The following TET2 variants were observed in gnomAD, a reference collection of about 807,000 sequenced individuals.
TET2 encodes the protein methylcytosine dioxygenase TET2.
A neutral mutation model predicts 142.9 loss-of-function variants in TET2; 299 were observed. That is an observed-to-expected ratio of 2.09 (90% CI 1.90 to 2.30). TET2 has a LOEUF of 2.30. Ranked by LOEUF, TET2 falls within the 30% of genes most tolerant of loss-of-function variation. The pLI, the probability that TET2 is intolerant of heterozygous loss-of-function variation, is 0.00. For missense variants in TET2, 2,418 were observed against 2,378.0 expected (o/e 1.02, Z -0.35); for synonymous variants, 819 against 849.0 (o/e 0.96, Z 0.61).
At chr4:105,193,190 C>T (rs950501638) in intron 2 of TET2, among the ~76,000 whole-genome samples, 2 of 151,880 alleles carry the variant, frequency 1.3e-5, no homozygotes, top group East Asian at 3.9e-4. Flanking sequence ...GAATTGGGAT[C>T]GATAACAAAG....
intron 2 of TET2, among the ~76,000 whole-genome samples, chr4:105,227,723 A>T (rs933435942): frequency 1.3e-5 from 2 of 152,194 alleles, no homozygotes; most frequent in African/African-American, 4.8e-5. Flanking sequence ...AGCAAAAATC[A>T]CACAAATAAT....
chr4:105,237,104 A>G lies in TET2; in HGVS notation c.3162A>G (p.Val1054=), dbSNP rs1553914508. The G allele has an allele frequency of 1.2e-5, 20 of 1,614,052 alleles. No individual in the cohort carries two copies. Among genetic ancestry groups the G allele is most frequent in the Admixed American group, 6.7e-5 (4 of 59,998 alleles). Residue 1054 remains valine, a synonymous_variant, in exon 3 of 11, where the codon GTA becomes GTG. Coordinates refer to ENST00000380013, the MANE Select transcript of TET2 (RefSeq NM_001127208.3). ...KALTLKSQKQ[V]KVEMSGPVTV... Reference sequence around the variant, plus strand: ...TTACTCTCAAATCACAGAAGCAAGTAAAAGTTGAAATGTCAGGGCCAGTCA... The same window carrying G: ...TTACTCTCAAATCACAGAAGCAAGTGAAAGTTGAAATGTCAGGGCCAGTCA...
At position 105,245,302 on chromosome 4, in the gene TET2, T is replaced by C. The variant is rs574025699; in HGVS notation, c.3803+1524T>C. Among the ~76,000 whole-genome samples the C allele has an allele frequency of 9.2e-5, 14 of 152,278 alleles. No homozygotes were observed. In the East Asian group the frequency reaches 1.7e-3, roughly 19 times the overall value. On this transcript the variant is annotated intron_variant, in intron 6 of 10. Transcript: ENST00000380013. ...TTGCTGATTCATAACATGTAACTTATAAACTTATGATGGACTACTTTAAGC... is the reference window on the plus strand; with the variant it reads ...TTGCTGATTCATAACATGTAACTTACAAACTTATGATGGACTACTTTAAGC...
intron 1 of TET2, among the ~76,000 whole-genome samples, chr4:105,165,253 G>C (rs911506406): frequency 6.6e-6 from 1 of 152,108 alleles, no homozygotes; most frequent in Non-Finnish European, 1.5e-5. Flanking sequence ...GTGGGCGCCT[G>C]TAATTCCAGC....
In TET2 at chr4:105,235,784, GC is replaced by G. The variant is rs771262213; in HGVS notation, c.1843del (p.Leu615SerfsTer24). 6.2e-7 allele frequency: 1 copy of G among 1,614,014 alleles called. No homozygotes were observed. The highest frequency in any genetic ancestry group is 8.5e-7 in the Non-Finnish European group (1 of 1,180,004). ...YTGNSNMPGG[L>X]PRQAYTQKTT... ...CTGGAAATTCCAACATGCCTGGGGG[GC>G]TCCCAAGGCAAGCTTACACCCAGAA... is the stretch of plus-strand genomic sequence containing the variant. On this transcript the variant is annotated frameshift_variant, in exon 3 of 11. Coordinates refer to ENST00000380013, the MANE Select transcript of TET2 (RefSeq NM_001127208.3). LOFTEE classifies it high-confidence loss of function.
chr4:105,209,049 G>GTATGTATATATA, intron 2 of TET2, among the ~76,000 whole-genome samples: 1 of 44,354 alleles, frequency 2.3e-5, no homozygotes, highest in Admixed American at 3.4e-4. Context: ...TCAAGGCATG[G>GTATGTATATATA]TATATATATA....
At chr4:105,149,288 A>G (rs1723187863) in intron 1 of TET2, among the ~76,000 whole-genome samples, 3 of 152,194 alleles carry the variant, frequency 2.0e-5, no homozygotes, top group Non-Finnish European at 4.4e-5. Flanking sequence ...TACATTGGTT[A>G]ATAATTTTGA....
intron 1 of TET2, among the ~76,000 whole-genome samples, chr4:105,164,768 A>T (rs772144736): frequency 7.9e-5 from 12 of 152,208 alleles, no homozygotes; most frequent in Admixed American, 2.6e-4. Flanking sequence ...TTGGGACCTG[A>T]CAGGGAGATT....
At chr4:105,208,152 A>G (rs992101654) in intron 2 of TET2, among the ~76,000 whole-genome samples, 74 of 152,288 alleles carry the variant, frequency 4.9e-4, no homozygotes, top group Non-Finnish European at 1.3e-4. Context: ...CTTCCTGGCC[A>G]TCTCTTGGGT....
Position 105,243,062 on chromosome 4 carries a change from G to A in TET2, c.3594+135G>A, listed in dbSNP as rs1729391700. 4.1e-6 allele frequency: 3 copies of A among 727,916 alleles called. 1 individual carries two copies. Among genetic ancestry groups the A allele is most frequent in the South Asian group, 3.3e-5 (2 of 60,004 alleles). 45.1% of individuals were successfully genotyped at this position (727,916 alleles called of 1,614,324 possible). A position where few individuals can be genotyped will look rare whatever the true frequency, so the allele number is the denominator to read the frequency against. On this transcript the variant is annotated intron_variant, in intron 5 of 10. Transcript: ENST00000380013. ...GAACATTACCTGTATTTTTTATCAT[G>A]TGTTATCTCTTAAGAAGAGGCAGAT...
chr4:105,160,348 C>G (rs1000038854), intron 1 of TET2, among the ~76,000 whole-genome samples: 5 of 152,090 alleles, frequency 3.3e-5, no homozygotes, highest in Non-Finnish European at 5.9e-5. Flanking sequence ...AAAAAGGCAT[C>G]AAAAATTTAA....
chr4:105,149,098 A>C (rs1019352826), intron 1 of TET2, among the ~76,000 whole-genome samples: 5 of 152,208 alleles, frequency 3.3e-5, no homozygotes, highest in African/African-American at 1.2e-4. Flanking sequence ...GTTCATGGTA[A>C]ACTATCGAGA....
chr4:105,235,784 G>T lies in TET2; in HGVS notation c.1842G>T (p.Gly614=). ...QYTGNSNMPG[G]LPRQAYTQKT... Reference sequence around the variant, plus strand: ...CTGGAAATTCCAACATGCCTGGGGGGCTCCCAAGGCAAGCTTACACCCAGA... The same window carrying T: ...CTGGAAATTCCAACATGCCTGGGGGTCTCCCAAGGCAAGCTTACACCCAGA... The change falls in exon 3 of 11, where the codon GGG becomes GGT. Residue 614 remains glycine (G), a synonymous_variant. Transcript: ENST00000380013. The T allele has an allele frequency of 6.2e-7, 1 of 1,614,014 alleles. No individual in the cohort carries two copies. Among genetic ancestry groups the T allele is most frequent in the Non-Finnish European group, 8.5e-7 (1 of 1,180,004 alleles).
Position 105,275,662 on chromosome 4 carries a change from G to T in TET2, c.5152G>T (p.Val1718Leu), listed in dbSNP as rs142312318. 6.5e-3 allele frequency: 10,100 copies of T among 1,551,956 alleles called. 35 individuals are homozygous for T. The highest frequency in any genetic ancestry group is 8.0e-3 in the Non-Finnish European group (9,177 of 1,147,036). ...SCTIRPNVHH[V>L]GKLPPYPTHE... is the part of the protein sequence containing the mutation. Reference sequence around the variant, plus strand: ...TACCATTAGACCAAATGTACATCATGTAGGGAAATTGCCTCCTTATCCCAC... The same window carrying T: ...TACCATTAGACCAAATGTACATCATTTAGGGAAATTGCCTCCTTATCCCAC... Residue 1718 changes from valine to leucine, a missense_variant, in exon 11 of 11, where the codon GTA becomes TTA. By Grantham distance (32) the Val-to-Leu change is conservative (BLOSUM62 1). Coordinates refer to ENST00000380013, the MANE Select transcript of TET2 (RefSeq NM_001127208.3).
intron 2 of TET2, among the ~76,000 whole-genome samples, chr4:105,219,388 T>C (rs534166699): frequency 1.3e-5 from 2 of 152,220 alleles, no homozygotes; most frequent in East Asian, 3.9e-4. Flanking sequence ...CTCCAAAACA[T>C]AGATGGCATG....
chr4:105,269,602 T>A lies in TET2; in HGVS notation c.4045-8T>A. ...ACTTTCGCATTCACACACACTTTTA[T>A]TTTTCAGATTGAATATGAACACAGA... On this transcript the variant is annotated splice_polypyrimidine_tract_variant and splice_region_variant and intron_variant, in intron 8 of 10. Coordinates refer to ENST00000380013, the MANE Select transcript of TET2 (RefSeq NM_001127208.3). 6.4e-7 allele frequency: 1 copy of A among 1,551,412 alleles called. No individual in the cohort carries two copies. The highest frequency in any genetic ancestry group is 1.2e-5 in the South Asian group (1 of 84,058).
intron 10 of TET2, 76 bp from the exon 11 acceptor site, chr4:105,274,972 T>C (rs569584859): frequency 3.5e-6 from 5 of 1,447,094 alleles, no homozygotes; most frequent in East Asian, 2.5e-5. Context: ...TACATTTAAG[T>C]ATCCTCACTA....
chr4:105,244,657 G>A (rs954762741), intron 6 of TET2, among the ~76,000 whole-genome samples: 7 of 141,142 alleles, frequency 5.0e-5, no homozygotes, highest in South Asian at 2.2e-4. Flanking sequence ...GTGCAATGGC[G>A]CGATCTTGGT....
chr4:105,173,312 G>A (rs1428912559), intron 1 of TET2, among the ~76,000 whole-genome samples: 2 of 145,662 alleles, frequency 1.4e-5, no homozygotes, highest in Non-Finnish European at 3.0e-5. Context: ...GAGCTCAGGA[G>A]TTTGAGACCA....
Sources: gnomAD v4.1 joint callset for allele counts (sites outside exome capture counted in the v4.1 genomes callset) on GRCh38, gnomAD v4.1.1 for gene constraint, MANE v1.5 for transcripts, NCBI Gene and HGNC (gene_info 2026-07-23, HGNC 2026-07-21) for gene names.